AGTPBP1: variants seen among roughly 807,000 people sequenced by gnomAD.
The protein encoded by AGTPBP1 is ATP/GTP binding carboxypeptidase 1.
Under a neutral mutation model 143.9 loss-of-function variants are expected in AGTPBP1, and 70 were observed. The ratio of observed to expected loss-of-function variants is 0.49; its 90% CI spans 0.40 to 0.59. The LOEUF (loss-of-function observed/expected upper bound fraction) is 0.59, where lower values mean the gene tolerates loss of function less well. AGTPBP1 is among the 20% of genes least tolerant of loss of function. The pLI is 0.00. For missense variants in AGTPBP1, 1,229 were observed against 1,464.5 expected, an observed-to-expected ratio of 0.84 and a Z score of 2.62; for synonymous variants, 463 against 500.2, an observed-to-expected ratio of 0.93 and a Z score of 0.99.
chr9:85,751,733 G>A, the AGTPBP1 span, among the ~76,000 whole-genome samples: 1 of 152,108 alleles, frequency 6.6e-6, no homozygotes, highest in Non-Finnish European at 1.5e-5. Context: ...TCGTGCCTCA[G>A]CCTCCTGAGT....
At chr9:85,742,090 C>G, upstream of AGTPBP1, 3 of 1,079,188 alleles carry the variant, frequency 2.8e-6, no homozygotes, top group Non-Finnish European at 3.4e-6. Context: ...CGCCCTCTTC[C>G]CGCCGCGTCC....
chr9:85,678,446 C>A, intron 4 of AGTPBP1, 48 bp from the exon 5 acceptor site: 1 of 1,327,684 alleles, frequency 7.5e-7, no homozygotes, highest in Non-Finnish European at 1.0e-6. Flanking sequence ...CTTTTGATTC[C>A]CAGACTTTTG....
At chr9:85,584,048 C>T (rs767683760) in intron 23 of AGTPBP1, among the ~76,000 whole-genome samples, 20 of 151,884 alleles carry the variant, frequency 1.3e-4, no homozygotes, top group Non-Finnish European at 2.1e-4. Flanking sequence ...TGGTGCTGTT[C>T]CAGAGAGCAG....
intron 13 of AGTPBP1, 105 bp downstream of exon 13, chr9:85,642,722 T>G (rs1238537250): frequency 5.3e-6 from 5 of 936,932 alleles, no homozygotes; most frequent in African/African-American, 1.7e-5. Context: ...CTAGTTTCAC[T>G]TTTTAGAAAT....
chr9:85,594,577 A>G (rs1253206004), intron 18 of AGTPBP1, among the ~76,000 whole-genome samples: 2 of 140,214 alleles, frequency 1.4e-5, no homozygotes, highest in African/African-American at 5.7e-5. Flanking sequence ...GCAACAGGGC[A>G]AGACTGTGTT....
chr9:85,759,712 C>G, the AGTPBP1 span, among the ~76,000 whole-genome samples: 2 of 152,098 alleles, frequency 1.3e-5, no homozygotes, highest in South Asian at 4.1e-4. Flanking sequence ...ATTAAAAGAA[C>G]TAGAGAAGCA....
At chr9:85,672,311 C>T (rs1032809666) in intron 7 of AGTPBP1, among the ~76,000 whole-genome samples, 2 of 151,956 alleles carry the variant, frequency 1.3e-5, no homozygotes, top group African/African-American at 2.4e-5. Context: ...TCAGGTGATC[C>T]GCCCGCCTTG....
At chr9:85,794,035 A>T in the AGTPBP1 span, among the ~76,000 whole-genome samples, 1 of 152,184 alleles carries the variant, frequency 6.6e-6, no homozygotes, top group Non-Finnish European at 1.5e-5. Flanking sequence ...CAAGGAACTT[A>T]TAGTCCAGTG....
chr9:85,583,203 G>A (rs1828385835), intron 23 of AGTPBP1, among the ~76,000 whole-genome samples: 1 of 152,184 alleles, frequency 6.6e-6, no homozygotes, highest in African/African-American at 2.4e-5. Flanking sequence ...TTAACCCAGT[G>A]AGCGCTACCT....
chr9:85,631,900 T>G (rs1483806333), intron 14 of AGTPBP1, among the ~76,000 whole-genome samples: 1 of 152,208 alleles, frequency 6.6e-6, no homozygotes, highest in Non-Finnish European at 1.5e-5. Flanking sequence ...TTTAATATCA[T>G]TTGCAATATC....
In AGTPBP1 at chr9:85,623,327, G is replaced by T. The variant is rs139506335; in HGVS notation, c.2016-2042C>A. Among the ~76,000 whole-genome samples, 439 of 152,210 alleles carry T rather than the reference G, an allele frequency of 2.9e-3. 2 individuals carry two copies. The highest frequency in any genetic ancestry group is 9.7e-3 in the African/African-American group (401 of 41,520). On this transcript the variant is annotated intron_variant, in intron 14 of 25. Transcript: ENST00000357081. The stretch of plus-strand genomic sequence containing the variant: ...CTCTGCAAGTTAAGCCAAATCATGT[G>T]CAAGTTGAAAATGGCCTATATACCT...
At chr9:85,750,820 A>G in the AGTPBP1 span, among the ~76,000 whole-genome samples, 7 of 152,108 alleles carry the variant, frequency 4.6e-5, no homozygotes, top group African/African-American at 1.4e-4. Flanking sequence ...CCTTCATCTC[A>G]TCTCCCACTA....
chr9:85,707,620 T>G (rs533551733), intron 2 of AGTPBP1, among the ~76,000 whole-genome samples: 1 of 152,140 alleles, frequency 6.6e-6, no homozygotes, highest in East Asian at 1.9e-4. Flanking sequence ...TTGGACAACA[T>G]AGAAGAAATG....
intron 25 of AGTPBP1, among the ~76,000 whole-genome samples, chr9:85,573,902 G>A (rs1451319488): frequency 2.0e-5 from 3 of 150,042 alleles, no homozygotes; most frequent in South Asian, 2.1e-4. Context: ...GAGCCTCTCC[G>A]CCCGGCAGCT....
At chr9:85,690,336 T>C (rs1411416075) in intron 3 of AGTPBP1, among the ~76,000 whole-genome samples, 1 of 152,216 alleles carries the variant, frequency 6.6e-6, no homozygotes, top group East Asian at 1.9e-4. Context: ...ACTGTGTTGG[T>C]TGGCTAATCC....
chr9:85,714,090 C>T (rs935563000), intron 1 of AGTPBP1, among the ~76,000 whole-genome samples: 2 of 152,186 alleles, frequency 1.3e-5, no homozygotes, highest in Admixed American at 1.3e-4. Flanking sequence ...ATATCATAGC[C>T]AACTGTATTT....
chr9:85,803,941 T>C, the AGTPBP1 span, among the ~76,000 whole-genome samples: 1 of 152,146 alleles, frequency 6.6e-6, no homozygotes. Context: ...CCACAATTAA[T>C]CAATCAGTTA....
rs370857631 is a variant in AGTPBP1, at chr9:85,702,659, C to CT, written c.32+9842dup. Among the ~76,000 whole-genome samples the CT allele has an allele frequency of 2.8e-3, 395 of 143,402 alleles. 4 individuals are homozygous for CT. Among genetic ancestry groups the CT allele is most frequent in the African/African-American group, 8.2e-3 (322 of 39,376 alleles). The allele number at this position is 143,402 out of a possible 152,430, so 94.1% of individuals were successfully genotyped here. ...TGGTAACGACTCTCTGTCTCTCTCT[C>CT]TTTTTTTTTTTTAACAGTACCTTTT... On this transcript the variant is annotated intron_variant, in intron 2 of 25. Transcript: ENST00000357081.
At chr9:85,721,876 A>C (rs1327408066) in intron 1 of AGTPBP1, among the ~76,000 whole-genome samples, 1 of 152,106 alleles carries the variant, frequency 6.6e-6, no homozygotes, top group Non-Finnish European at 1.5e-5. Context: ...GTGGTGACAA[A>C]ATCTCTCAGC....
Sources: gnomAD v4.1 joint callset for allele counts (sites outside exome capture counted in the v4.1 genomes callset) on GRCh38, gnomAD v4.1.1 for gene constraint, MANE v1.5 for transcripts, NCBI Gene and HGNC (gene_info 2026-07-23, HGNC 2026-07-21) for gene names.